The following KLF8 variants were observed in gnomAD, a reference collection of about 807,000 sequenced individuals.
The protein encoded by KLF8 is KLF transcription factor 8.
Under a neutral mutation model 18.2 loss-of-function variants are expected in KLF8, and 10 were observed. The ratio of observed to expected loss-of-function variants is 0.55; its 90% CI spans 0.34 to 0.93. KLF8 has a LOEUF of 0.93. Among genes scored for constraint, KLF8 ranks in the 40% least tolerant of loss-of-function variants. The pLI, the probability that KLF8 is intolerant of heterozygous loss-of-function variation, is 0.02. For synonymous variants in KLF8, 109 were observed against 97.3 expected (o/e 1.12, Z -0.71); for missense variants, 264 against 277.9 (o/e 0.95, Z 0.36).
the KLF8 span, among the ~76,000 whole-genome samples, chrX:56,080,588 C>A: frequency 5.4e-5 from 6 of 111,271 alleles, no homozygotes; most frequent in Admixed American, 4.8e-4. Context: ...AACATTTTTT[C>A]CTTCATTTCA....
the KLF8 span, among the ~76,000 whole-genome samples, chrX:56,134,377 A>G: frequency 9.0e-6 from 1 of 111,654 alleles, no homozygotes; most frequent in Non-Finnish European, 1.9e-5. Context: ...CTTACAGCCA[A>G]CTGATCTTCA....
chrX:55,959,776 G>C, the KLF8 span, among the ~76,000 whole-genome samples: 5 of 111,559 alleles, frequency 4.5e-5, no homozygotes, highest in Non-Finnish European at 9.4e-5. Context: ...TTGCATTCTT[G>C]AAAGAGATGA....
the KLF8 span, among the ~76,000 whole-genome samples, chrX:56,054,457 G>A: frequency 9.0e-6 from 1 of 111,588 alleles, no homozygotes; most frequent in Non-Finnish European, 1.9e-5. Flanking sequence ...GAGATTGGTT[G>A]TTATTATTTC....
chrX:56,236,413 A>T (rs1303716044), intron 1 of KLF8, among the ~76,000 whole-genome samples: 2 of 111,950 alleles, frequency 1.8e-5, no homozygotes, highest in East Asian at 5.6e-4. Flanking sequence ...AAAGTGAAGC[A>T]GTGGGAAAAT....
chrX:55,919,156 G>A, the KLF8 span, among the ~76,000 whole-genome samples: 1 of 111,790 alleles, frequency 8.9e-6, no homozygotes, highest in African/African-American at 3.3e-5. Context: ...TCCATCCTGG[G>A]GCAAAATTTC....
At chrX:56,209,084 T>C in the KLF8 span, among the ~76,000 whole-genome samples, 1 of 111,947 alleles carries the variant, frequency 8.9e-6, no homozygotes, top group Non-Finnish European at 1.9e-5. Flanking sequence ...TATGATTGCA[T>C]TGGGGTCTTT....
At chrX:56,182,110 G>C in the KLF8 span, among the ~76,000 whole-genome samples, 1 of 111,705 alleles carries the variant, frequency 9.0e-6, no homozygotes, top group Non-Finnish European at 1.9e-5. Context: ...GTCAGACATA[G>C]ATTTGGTCTT....
chrX:56,171,090 T>A, the KLF8 span, among the ~76,000 whole-genome samples: 1 of 111,982 alleles, frequency 8.9e-6, no homozygotes, highest in Non-Finnish European at 1.9e-5. Context: ...CAAAACTCAC[T>A]GAGAATAGTA....
the KLF8 span, among the ~76,000 whole-genome samples, chrX:56,065,721 G>C: frequency 0.21 from 23,203 of 110,608 alleles, 4,927 homozygotes; most frequent in African/African-American, 0.66. Context: ...TTTAAAGATG[G>C]ATTTATGTTG....
chrX:56,262,488 G>A (rs1042904505), intron 2 of KLF8, among the ~76,000 whole-genome samples: 2 of 111,238 alleles, frequency 1.8e-5, no homozygotes, highest in African/African-American at 3.3e-5. Context: ...TGCCAAAGTC[G>A]TGTTTATTTT....
chrX:56,013,740 A>G, the KLF8 span, among the ~76,000 whole-genome samples: 1 of 111,462 alleles, frequency 9.0e-6, no homozygotes, highest in African/African-American at 3.3e-5. Context: ...CATGTGAAGA[A>G]TGACATGTTT....
the KLF8 span, among the ~76,000 whole-genome samples, chrX:55,989,421 G>T: frequency 2.5e-4 from 28 of 112,502 alleles, no homozygotes; most frequent in Admixed American, 9.4e-5. Context: ...AAGGGCTGTT[G>T]AATTCTGTCA....
chrX:56,051,359 A>G, the KLF8 span, among the ~76,000 whole-genome samples: 7 of 108,196 alleles, frequency 6.5e-5, no homozygotes, highest in Non-Finnish European at 1.2e-4. Context: ...GTTTCTTCCT[A>G]GTCTCGATGG....
At chrX:56,269,517 C>G in intron 4 of KLF8, 28 bp downstream of exon 4, 2 of 1,119,958 alleles carry the variant, frequency 1.8e-6, no homozygotes, top group Admixed American at 2.7e-5. Flanking sequence ...TCAAGTCTGT[C>G]TTTGTGTATG....
chrX:56,169,719 G>A, the KLF8 span, among the ~76,000 whole-genome samples: 2 of 111,058 alleles, frequency 1.8e-5, no homozygotes, highest in Non-Finnish European at 3.8e-5. Context: ...TCCAGTCCCT[G>A]GCTCCTGCAT....
At chrX:56,165,251 A>G in the KLF8 span, among the ~76,000 whole-genome samples, 2 of 111,797 alleles carry the variant, frequency 1.8e-5, no homozygotes, top group African/African-American at 6.5e-5. Flanking sequence ...TTAAACCTAT[A>G]CATTGCTTTG....
At chrX:55,934,350 A>G in the KLF8 span, among the ~76,000 whole-genome samples, 4 of 112,082 alleles carry the variant, frequency 3.6e-5, no homozygotes, top group Admixed American at 2.8e-4. Context: ...TATCAATAAT[A>G]AAAGAATCAA....
the KLF8 span, among the ~76,000 whole-genome samples, chrX:55,988,066 A>G: frequency 3.6e-5 from 4 of 111,052 alleles, no homozygotes; most frequent in African/African-American, 1.3e-4. Flanking sequence ...TTTTCTTGTA[A>G]ATTTGTTTGA....
At chrX:56,032,165 A>G in the KLF8 span, among the ~76,000 whole-genome samples, 1 of 110,923 alleles carries the variant, frequency 9.0e-6, no homozygotes, top group African/African-American at 3.3e-5. Flanking sequence ...TAAAACAGGT[A>G]CCGAGTATAA....
Sources: allele counts gnomAD v4.1 joint callset (sites outside exome capture counted in the v4.1 genomes callset), GRCh38; gene constraint gnomAD v4.1.1; transcripts MANE v1.5; gene names NCBI Gene and HGNC (gene_info 2026-07-23, HGNC 2026-07-21).